The following GLI3 variants were observed in gnomAD, a reference collection of about 807,000 sequenced individuals.
The protein encoded by GLI3 is GLI family zinc finger 3.
Under a neutral mutation model 100.8 loss-of-function variants are expected in GLI3, and 20 were observed. The observed-to-expected ratio is 0.20, with a 90% CI of 0.14 to 0.29. The LOEUF (loss-of-function observed/expected upper bound fraction) is 0.29, where lower values mean the gene tolerates loss of function less well. Among genes scored for constraint, GLI3 ranks in the 10% least tolerant of loss-of-function variants. The pLI is 1.00. For missense variants in GLI3, 2,040 were observed against 2,128.5 expected (o/e 0.96, Z 0.82); for synonymous variants, 938 against 860.5 (o/e 1.09, Z -1.58).
intron 2 of GLI3, among the ~76,000 whole-genome samples, chr7:42,186,606 C>T (rs957281405): frequency 1.3e-5 from 2 of 152,186 alleles, no homozygotes; most frequent in African/African-American, 4.8e-5. Context: ...AGTGCAACTG[C>T]ACTATGGAAC....
At chr7:42,205,144 G>A (rs1788123211) in intron 2 of GLI3, among the ~76,000 whole-genome samples, 1 of 152,172 alleles carries the variant, frequency 6.6e-6, no homozygotes, top group East Asian at 1.9e-4. Flanking sequence ...GCTATGTGGT[G>A]TTCTTAAAGG....
At chr7:42,252,134 A>C (rs751383962) in intron 1 of GLI3, among the ~76,000 whole-genome samples, 2 of 152,024 alleles carry the variant, frequency 1.3e-5, no homozygotes, top group Non-Finnish European at 2.9e-5. Flanking sequence ...AAAACGTGGT[A>C]CATATACACT....
chr7:42,048,634 T>G lies in GLI3; in HGVS notation c.536A>C (p.His179Pro). The change falls in exon 5 of 15, where the codon CAC becomes CCC. Residue 179 changes from histidine to proline, a missense_variant. His to Pro is a moderately conservative substitution (Grantham distance 77, BLOSUM62 -2). This residue lies in a region of GLI3 where 603 missense variants were observed against 690.9 expected (regional missense o/e 0.87). Coordinates refer to ENST00000395925, the MANE Select transcript of GLI3 (RefSeq NM_000168.6). ...PDLPFIRISP[H>P]RNPTAASESP... ...CTCGGAAGCAGCAGTGGGGTTCCGG[T>G]GTGGGGAGATCCTAATGAAGGGCAG... 2 of 1,609,492 alleles carry G rather than the reference T, an allele frequency of 1.2e-6. No individual in the cohort carries two copies. Among genetic ancestry groups the G allele is most frequent in the South Asian group, 2.2e-5 (2 of 90,714 alleles).
rs574288832 is a variant in GLI3, at chr7:42,016,582, G to A, written c.1497+6886C>T. On this transcript the variant is annotated intron_variant, in intron 10 of 14. Coordinates refer to ENST00000395925, the MANE Select transcript of GLI3 (RefSeq NM_000168.6). ...ATTTTCCTTGGGAGCAGAGCAGGCC[G>A]TGAACCCAGGTCTGTCTGCTTTGAA... Among the ~76,000 whole-genome samples, 9 of 152,242 alleles carry A rather than the reference G, an allele frequency of 5.9e-5. No individual in the cohort carries two copies. In the East Asian group the frequency reaches 9.6e-4, roughly 16 times the overall value.
chr7:41,986,743 A>AT (rs776002674), intron 10 of GLI3, among the ~76,000 whole-genome samples: 2 of 151,908 alleles, frequency 1.3e-5, no homozygotes, highest in Non-Finnish European at 2.9e-5. Context: ...TTCATGTGGT[A>AT]TTGGTTGCAC....
Position 42,033,897 on chromosome 7 carries a change from A to C in GLI3, c.1028+6141T>G, listed in dbSNP as rs73321955. On this transcript the variant is annotated intron_variant, in intron 7 of 14. Coordinates refer to ENST00000395925, the MANE Select transcript of GLI3 (RefSeq NM_000168.6). ...AAACCCAGCCCAGCCTCAGAAGTAGAGTACACAAAGACCCACATGCTCTTA... is the reference window on the plus strand; with the variant it reads ...AAACCCAGCCCAGCCTCAGAAGTAGCGTACACAAAGACCCACATGCTCTTA... Among the ~76,000 whole-genome samples the C allele has an allele frequency of 5.1e-3, 783 of 152,350 alleles. 13 individuals carry two copies. Among genetic ancestry groups the C allele is most frequent in the African/African-American group, 0.017 (707 of 41,574 alleles).
intron 3 of GLI3, among the ~76,000 whole-genome samples, chr7:42,100,169 T>C (rs73688634): frequency 0.032 from 4,908 of 152,302 alleles, 280 homozygotes; most frequent in African/African-American, 0.11. Context: ...AAACAAAGAC[T>C]TGGGAGCTGC....
intron 1 of GLI3, among the ~76,000 whole-genome samples, chr7:42,250,014 G>A (rs982529968): frequency 2.6e-5 from 4 of 152,080 alleles, no homozygotes; most frequent in African/African-American, 9.7e-5. Flanking sequence ...AGGATTGCTT[G>A]AATCCAGGAG....
intron 3 of GLI3, among the ~76,000 whole-genome samples, chr7:42,103,363 T>A (rs1200113314): frequency 6.6e-6 from 1 of 152,182 alleles, no homozygotes; most frequent in African/African-American, 2.4e-5. Flanking sequence ...CAAAAACTTG[T>A]ACACATGTCC....
chr7:42,110,917 G>A (rs553732272), intron 3 of GLI3, among the ~76,000 whole-genome samples: 1 of 152,256 alleles, frequency 6.6e-6, no homozygotes, highest in South Asian at 2.1e-4. Flanking sequence ...ATGAGCCTGT[G>A]GTGGTTTGAG....
At chr7:42,207,398 C>A (rs539024504) in intron 2 of GLI3, among the ~76,000 whole-genome samples, 1 of 152,296 alleles carries the variant, frequency 6.6e-6, no homozygotes, top group Admixed American at 6.5e-5. Flanking sequence ...TATTGTATTT[C>A]AATTAAAAAG....
chr7:41,970,121 A>C (rs531781707), intron 13 of GLI3, among the ~76,000 whole-genome samples: 2 of 152,328 alleles, frequency 1.3e-5, no homozygotes, highest in South Asian at 4.1e-4. Context: ...AAATGAAAAC[A>C]AAACAAAAAG....
At chr7:42,046,334 T>C (rs552875066) in intron 5 of GLI3, among the ~76,000 whole-genome samples, 4 of 152,316 alleles carry the variant, frequency 2.6e-5, no homozygotes, top group South Asian at 2.1e-4. Flanking sequence ...ACTTAGCACA[T>C]AGCATTCAAT....
chr7:42,227,392 A>T (rs143880040), intron 1 of GLI3, among the ~76,000 whole-genome samples: 190 of 151,906 alleles, frequency 1.3e-3, no homozygotes, highest in African/African-American at 4.3e-3. Flanking sequence ...TTGAAGTTTC[A>T]TAGGTAAAAG....
At chr7:42,261,699 G>A (rs1256600846) in intron 1 of GLI3, among the ~76,000 whole-genome samples, 1 of 152,218 alleles carries the variant, frequency 6.6e-6, no homozygotes, top group Non-Finnish European at 1.5e-5. Flanking sequence ...TATTCAGCAA[G>A]CCATAGACTG....
Position 42,045,359 on chromosome 7 carries a change from T to G in GLI3, c.826+25A>C, listed in dbSNP as rs758530242. Reference sequence around the variant, plus strand: ...AGTTGCCTTTGCCATTTCCCAAGACTCTAGAAACCAGCCCCGTCACTTACT... The same window carrying G: ...AGTTGCCTTTGCCATTTCCCAAGACGCTAGAAACCAGCCCCGTCACTTACT... On this transcript the variant is annotated intron_variant, in intron 6 of 14. Transcript: ENST00000395925. 3 of 1,609,344 alleles carry G rather than the reference T, an allele frequency of 1.9e-6. No homozygotes were observed. The Admixed American group carries it at 5.0e-5, about 27-fold the overall frequency.
chr7:42,079,577 AG>A (rs1462723752), intron 3 of GLI3, among the ~76,000 whole-genome samples: 3 of 152,224 alleles, frequency 2.0e-5, no homozygotes, highest in African/African-American at 4.8e-5. Flanking sequence ...TGGCAATCAC[AG>A]AAATAAACTT....
At chr7:42,126,219 T>C (rs1009246474) in intron 3 of GLI3, among the ~76,000 whole-genome samples, 17 of 152,230 alleles carry the variant, frequency 1.1e-4, no homozygotes, top group African/African-American at 3.4e-4. Flanking sequence ...TCTGAAAAGT[T>C]CTGACATTTG....
intron 2 of GLI3, chr7:42,151,916 G>A (rs1018615271): frequency 3.9e-5 from 6 of 152,070 alleles, no homozygotes; most frequent in Admixed American, 3.9e-4. Context: ...AAAAAAAGTG[G>A]GGTCCTTGCA....
Sources: gnomAD v4.1 joint callset for allele counts (sites outside exome capture counted in the v4.1 genomes callset) on GRCh38, gnomAD v4.1.1 for gene constraint, gnomAD v4.1.1 regional missense constraint, MANE v1.5 for transcripts, NCBI Gene and HGNC (gene_info 2026-07-23, HGNC 2026-07-21) for gene names.